Variants in CADPS2 observed in about 807,000 individuals in gnomAD.
CADPS2 encodes the protein calcium-dependent secretion activator 2.
In CADPS2, 93 loss-of-function variants were observed where a neutral mutation model predicts 172.5. The observed-to-expected ratio is 0.54, with a 90% CI of 0.46 to 0.64. CADPS2 has a LOEUF of 0.64. Among genes scored for constraint, CADPS2 ranks in the 30% least tolerant of loss-of-function variants. The pLI, the probability that CADPS2 is intolerant of heterozygous loss-of-function variation, is 0.00. For missense variants in CADPS2, 1,420 were observed against 1,565.9 expected (o/e 0.91, Z 1.57); for synonymous variants, 546 against 555.2 (o/e 0.98, Z 0.23).
At chr7:122,724,705 C>A (rs2090893754) in intron 2 of CADPS2, among the ~76,000 whole-genome samples, 1 of 152,008 alleles carries the variant, frequency 6.6e-6, no homozygotes, top group Non-Finnish European at 1.5e-5. Context: ...GAAGTCCAAT[C>A]CAGATAGAAC....
At chr7:122,611,699 C>T (rs2074313484) in intron 6 of CADPS2, among the ~76,000 whole-genome samples, 1 of 151,790 alleles carries the variant, frequency 6.6e-6, no homozygotes. Context: ...TTGAAGGGTC[C>T]ACTTAAAACT....
At chr7:122,609,294 C>T (rs1308592880) in intron 6 of CADPS2, among the ~76,000 whole-genome samples, 1 of 152,084 alleles carries the variant, frequency 6.6e-6, no homozygotes, top group Non-Finnish European at 1.5e-5. Flanking sequence ...CTGGTCATCC[C>T]TCCTACTATC....
intron 25 of CADPS2, among the ~76,000 whole-genome samples, chr7:122,362,977 A>G (rs890957297): frequency 6.6e-6 from 1 of 152,222 alleles, no homozygotes; most frequent in Non-Finnish European, 1.5e-5. Flanking sequence ...TGCATTTTTA[A>G]AGAATGAGAA....
At chr7:122,702,341 C>T (rs2086270669) in intron 2 of CADPS2, 2 of 1,613,828 alleles carry the variant, frequency 1.2e-6, no homozygotes, top group Non-Finnish European at 1.7e-6. Context: ...AAATACTTTA[C>T]TGCCCGTACC....
At chr7:122,838,016 T>C (rs539201650) in intron 1 of CADPS2, among the ~76,000 whole-genome samples, 1 of 152,328 alleles carries the variant, frequency 6.6e-6, no homozygotes, top group African/African-American at 2.4e-5. Flanking sequence ...TGAATATTGA[T>C]GCAAAAATCC....
chr7:122,490,419 A>C, intron 10 of CADPS2, 138 bp from the exon 11 acceptor site: 1 of 654,798 alleles, frequency 1.5e-6, no homozygotes, highest in Non-Finnish European at 2.6e-6. Flanking sequence ...AGTTTAAAGG[A>C]TCAAATCCAC....
chr7:122,441,087 G>A (rs2051288852), intron 16 of CADPS2, among the ~76,000 whole-genome samples: 1 of 152,140 alleles, frequency 6.6e-6, no homozygotes, highest in South Asian at 2.1e-4. Context: ...TTGAATGAAT[G>A]AAATGATATA....
At chr7:122,389,556 G>T (rs1426965596) in intron 22 of CADPS2, among the ~76,000 whole-genome samples, 1 of 151,944 alleles carries the variant, frequency 6.6e-6, no homozygotes, top group Non-Finnish European at 1.5e-5. Context: ...ACTTATAGAA[G>T]AGTACATATA....
chr7:122,847,830 A>C, intron 1 of CADPS2, among the ~76,000 whole-genome samples: 1 of 152,242 alleles, frequency 6.6e-6, no homozygotes, highest in Non-Finnish European at 1.5e-5. Context: ...GGAACAAAAA[A>C]TACAATAGGA....
chr7:122,369,352 C>A (rs1009349737), intron 25 of CADPS2, among the ~76,000 whole-genome samples: 1 of 151,924 alleles, frequency 6.6e-6, no homozygotes, highest in Admixed American at 6.6e-5. Flanking sequence ...AGGATGGTCT[C>A]GATCTCCTGA....
At chr7:122,490,004 C>A in intron 11 of CADPS2, 77 bp downstream of exon 11, 2 of 1,215,712 alleles carry the variant, frequency 1.6e-6, no homozygotes, top group Non-Finnish European at 2.4e-6. Context: ...AACTATAATA[C>A]TGAATACATT....
chr7:122,425,559 T>C (rs2049061330), intron 17 of CADPS2, among the ~76,000 whole-genome samples: 1 of 151,956 alleles, frequency 6.6e-6, no homozygotes, highest in South Asian at 2.1e-4. Context: ...TGAGCTGTGA[T>C]TGCACCAGTG....
At chr7:122,812,950 T>C (rs1800397177) in intron 1 of CADPS2, among the ~76,000 whole-genome samples, 1 of 152,164 alleles carries the variant, frequency 6.6e-6, no homozygotes, top group Admixed American at 6.5e-5. Flanking sequence ...TCATTCTCTA[T>C]GGGCTGTTTG....
intron 1 of CADPS2, among the ~76,000 whole-genome samples, chr7:122,762,222 A>C (rs2093412912): frequency 6.6e-6 from 1 of 151,894 alleles, no homozygotes; most frequent in Non-Finnish European, 1.5e-5. Flanking sequence ...AAGACAGAGA[A>C]AATAAAAGTG....
intron 1 of CADPS2, among the ~76,000 whole-genome samples, chr7:122,810,766 A>T (rs1799852369): frequency 6.6e-6 from 1 of 151,968 alleles, no homozygotes; most frequent in African/African-American, 2.4e-5. Context: ...AATTTTTAAA[A>T]ATTTTTTGAT....
At position 122,753,883 on chromosome 7, in the gene CADPS2, A is replaced by G. The variant is rs62483579; in HGVS notation, c.340-16815T>C. Among the ~76,000 whole-genome samples, 178 of 152,264 alleles carry G rather than the reference A, an allele frequency of 1.2e-3. 1 individual carries two copies. Among genetic ancestry groups the G allele is most frequent in the Non-Finnish European group, 1.9e-3 (131 of 68,012 alleles). On this transcript the variant is annotated intron_variant, in intron 1 of 29. Transcript: ENST00000449022. The stretch of plus-strand genomic sequence containing the variant: ...CCCAATCAATACACTGCAGGTCACC[A>G]AAAACTTTTTTTTTTCCCTTTTAAA...
intron 17 of CADPS2, among the ~76,000 whole-genome samples, chr7:122,423,198 C>T (rs1459052415): frequency 6.6e-6 from 1 of 152,104 alleles, no homozygotes; most frequent in African/African-American, 2.4e-5. Context: ...TGGTAAGTTA[C>T]ATGGTGCCAA....
At chr7:122,528,347 C>T (rs2061453902) in intron 8 of CADPS2, among the ~76,000 whole-genome samples, 1 of 152,130 alleles carries the variant, frequency 6.6e-6, no homozygotes, top group Non-Finnish European at 1.5e-5. Context: ...ACAACAAAAA[C>T]TAGCTCTTCT....
At chr7:122,590,369 T>G (rs548274463) in intron 6 of CADPS2, among the ~76,000 whole-genome samples, 90 of 152,046 alleles carry the variant, frequency 5.9e-4, no homozygotes, top group African/African-American at 1.9e-3. Context: ...TAAAAATTAA[T>G]GGGATATCCA....
Sources: allele counts gnomAD v4.1 joint callset (sites outside exome capture counted in the v4.1 genomes callset), GRCh38; gene constraint gnomAD v4.1.1; transcripts MANE v1.5; gene names NCBI Gene and HGNC (gene_info 2026-07-23, HGNC 2026-07-21).